The following MAPK4 variants were observed in gnomAD, a reference collection of about 807,000 sequenced individuals.
MAPK4 encodes the protein mitogen-activated protein kinase 4, also known as Erk3-related.
Under a neutral mutation model 47.7 loss-of-function variants are expected in MAPK4, and 22 were observed. That is an observed-to-expected ratio of 0.46 (90% CI 0.33 to 0.66). The LOEUF (loss-of-function observed/expected upper bound fraction) is 0.66, where lower values mean the gene tolerates loss of function less well. MAPK4 is among the 30% of genes least tolerant of loss of function. The pLI is 0.02. For missense variants in MAPK4, 736 were observed against 831.7 expected (o/e 0.88, Z 1.42); for synonymous variants, 390 against 365.7 (o/e 1.07, Z -0.76).
At chr18:50,568,445 G>T (rs1025025717) in intron 1 of MAPK4, among the ~76,000 whole-genome samples, 1 of 152,198 alleles carries the variant, frequency 6.6e-6, no homozygotes, top group Non-Finnish European at 1.5e-5. Flanking sequence ...AGTCTCTGAA[G>T]TGGGTACTGT....
At chr18:50,659,303 A>G (rs1441290297) in intron 1 of MAPK4, among the ~76,000 whole-genome samples, 1 of 152,134 alleles carries the variant, frequency 6.6e-6, no homozygotes, top group Non-Finnish European at 1.5e-5. Flanking sequence ...CTCAGCTGGA[A>G]ATAGCGGCTC....
intron 1 of MAPK4, among the ~76,000 whole-genome samples, chr18:50,626,241 C>T (rs966411642): frequency 1.3e-5 from 2 of 152,152 alleles, no homozygotes; most frequent in African/African-American, 2.4e-5. Context: ...TAATGTTTGA[C>T]CAAATATCTG....
intron 1 of MAPK4, among the ~76,000 whole-genome samples, chr18:50,659,128 A>G (rs1353793077): frequency 6.6e-6 from 1 of 152,226 alleles, no homozygotes; most frequent in Admixed American, 6.5e-5. Context: ...TCCTACAAAC[A>G]TGGAAATATT....
intron 1 of MAPK4, among the ~76,000 whole-genome samples, chr18:50,643,306 A>C (rs1394667915): frequency 6.6e-6 from 1 of 152,192 alleles, no homozygotes; most frequent in African/African-American, 2.4e-5. Flanking sequence ...CAAGGTCAGG[A>C]GTTTGAGACC....
At chr18:50,661,971 A>G (rs1370909689) in intron 1 of MAPK4, among the ~76,000 whole-genome samples, 1 of 152,262 alleles carries the variant, frequency 6.6e-6, no homozygotes, top group African/African-American at 2.4e-5. Context: ...TTCCTTCATT[A>G]GAAGTCTTTA....
At chr18:50,622,768 A>G (rs576155910) in intron 1 of MAPK4, among the ~76,000 whole-genome samples, 2 of 152,372 alleles carry the variant, frequency 1.3e-5, no homozygotes, top group South Asian at 4.1e-4. Flanking sequence ...GCAAAAGACC[A>G]TTTTGTGAAT....
At chr18:50,631,581 C>T (rs1271371141) in intron 1 of MAPK4, among the ~76,000 whole-genome samples, 1 of 152,204 alleles carries the variant, frequency 6.6e-6, no homozygotes, top group East Asian at 1.9e-4. Flanking sequence ...TGGCTTTCTG[C>T]TCAGTCCAGG....
At chr18:50,691,763 G>A (rs2144350743) in intron 2 of MAPK4, among the ~76,000 whole-genome samples, 1 of 152,336 alleles carries the variant, frequency 6.6e-6, no homozygotes. Context: ...TCTGGCCCCA[G>A]TGCACCTTTG....
chr18:50,575,792 C>CAAAAAAAAAAAAAAAAAAAAACAAAAAG (rs2042290778), intron 1 of MAPK4, among the ~76,000 whole-genome samples: 1 of 70,130 alleles, frequency 1.4e-5, no homozygotes, highest in African/African-American at 5.7e-5. Flanking sequence ...AATCAACAAG[C>CAAAAAAAAAAAAAAAAAAAAACAAAAAG]AAAAAAAAAA....
intron 2 of MAPK4, among the ~76,000 whole-genome samples, chr18:50,698,286 A>G (rs1366190508): frequency 6.6e-6 from 1 of 152,190 alleles, no homozygotes; most frequent in Non-Finnish European, 1.5e-5. Context: ...TATAGACACA[A>G]CAGAGACTCA....
At chr18:50,633,330 G>A (rs994159390) in intron 1 of MAPK4, among the ~76,000 whole-genome samples, 1 of 152,244 alleles carries the variant, frequency 6.6e-6, no homozygotes, top group Non-Finnish European at 1.5e-5. Flanking sequence ...CTGCCTGGGA[G>A]TGAGCCACTG....
chr18:50,682,659 T>A (rs1320404795), intron 2 of MAPK4, among the ~76,000 whole-genome samples: 1 of 152,266 alleles, frequency 6.6e-6, no homozygotes, highest in Non-Finnish European at 1.5e-5. Context: ...TTATAACCAT[T>A]TTGGAAAATG....
intron 1 of MAPK4, among the ~76,000 whole-genome samples, chr18:50,578,639 T>A (rs1209974836): frequency 1.3e-5 from 2 of 152,210 alleles, no homozygotes; most frequent in African/African-American, 4.8e-5. Flanking sequence ...GATAGATGGA[T>A]TTTTTGAAAA....
rs570134303 is a variant in MAPK4 at position 50,715,769 on chromosome 18, A to G, written c.691+546A>G. 5.3e-5 allele frequency among the ~76,000 whole-genome samples: 8 copies of G among 152,320 alleles called. No individual in the cohort carries two copies. In the South Asian group the frequency reaches 1.7e-3, roughly 32 times the overall value. Reference sequence around the variant, plus strand: ...TGAGAAATAAATGTTTGTTGTTTATATGCCACCTAGGCTATGGTACTTTGT... The same window carrying G: ...TGAGAAATAAATGTTTGTTGTTTATGTGCCACCTAGGCTATGGTACTTTGT... On this transcript the variant is annotated intron_variant, in intron 3 of 5. Coordinates refer to ENST00000400384, the MANE Select transcript of MAPK4 (RefSeq NM_002747.4).
chr18:50,572,660 C>A (rs557803916), intron 1 of MAPK4, among the ~76,000 whole-genome samples: 25 of 152,174 alleles, frequency 1.6e-4, no homozygotes, highest in African/African-American at 5.5e-4. Flanking sequence ...TCTTTTCTTT[C>A]CAGTTTATTC....
Position 50,651,685 on chromosome 18 carries a change from G to C in MAPK4, c.-870-11404G>C, listed in dbSNP as rs1445301135. On this transcript the variant is annotated intron_variant, in intron 1 of 5. Transcript: ENST00000400384. Reference sequence around the variant, plus strand: ...AGGAAGTTAGAACCGAGGGAATGGTGTCACCATAATGGACTTGGTTAGCCA... The same window carrying C: ...AGGAAGTTAGAACCGAGGGAATGGTCTCACCATAATGGACTTGGTTAGCCA... 4.6e-5 allele frequency among the ~76,000 whole-genome samples: 7 copies of C among 152,196 alleles called. No homozygotes were observed. In the East Asian group the frequency reaches 1.3e-3, roughly 29 times the overall value.
At chr18:50,686,088 G>A (rs1405063677) in intron 2 of MAPK4, among the ~76,000 whole-genome samples, 1 of 152,052 alleles carries the variant, frequency 6.6e-6, no homozygotes, top group East Asian at 1.9e-4. Flanking sequence ...AGTAAACCAA[G>A]GAACAGCAAA....
chr18:50,582,550 A>C (rs929978771), intron 1 of MAPK4, among the ~76,000 whole-genome samples: 5 of 152,258 alleles, frequency 3.3e-5, no homozygotes, highest in African/African-American at 1.2e-4. Context: ...AGCCGCACCT[A>C]GAAGTTTTTT....
At chr18:50,601,203 G>A (rs562314645) in intron 1 of MAPK4, among the ~76,000 whole-genome samples, 4 of 151,646 alleles carry the variant, frequency 2.6e-5, no homozygotes, top group Admixed American at 2.0e-4. Flanking sequence ...GCATGGTGGC[G>A]CGTGCCTGTG....
Sources: allele counts gnomAD v4.1 joint callset (sites outside exome capture counted in the v4.1 genomes callset), GRCh38; gene constraint gnomAD v4.1.1; transcripts MANE v1.5; gene names NCBI Gene and HGNC (gene_info 2026-07-23, HGNC 2026-07-21).